LIMS1: variants seen among roughly 807,000 people sequenced by gnomAD.
The protein encoded by LIMS1 is LIM and senescent cell antigen-like-containing domain protein 1.
In LIMS1, 18 loss-of-function variants were observed where a neutral mutation model predicts 44.1. That is an observed-to-expected ratio of 0.41 (90% confidence interval 0.28 to 0.61). LIMS1 has a LOEUF of 0.61. LIMS1 is among the 20% of genes least tolerant of loss of function. LIMS1 has a pLI of 0.32. For missense variants in LIMS1, 201 were observed against 422.0 expected (o/e 0.48, Z 4.59); for synonymous variants, 93 against 149.1 (o/e 0.62, Z 2.74).
intron 1 of LIMS1, among the ~76,000 whole-genome samples, chr2:108,644,439 G>C (rs1486756275): frequency 6.6e-6 from 1 of 152,132 alleles, no homozygotes; most frequent in Non-Finnish European, 1.5e-5. Context: ...AAACAGAAAG[G>C]CATAGCATCA....
At chr2:108,614,534 A>T (rs1426276423) in intron 1 of LIMS1, among the ~76,000 whole-genome samples, 1 of 152,130 alleles carries the variant, frequency 6.6e-6, no homozygotes, top group Non-Finnish European at 1.5e-5. Context: ...GCCATCAGTC[A>T]CTCTGGCATA....
chr2:108,667,706 G>A (rs1374970125), intron 2 of LIMS1, among the ~76,000 whole-genome samples: 22 of 151,604 alleles, frequency 1.5e-4, no homozygotes, highest in Admixed American at 6.6e-5. Flanking sequence ...TATCCACAGA[G>A]GATTGGTTCC....
intron 1 of LIMS1, among the ~76,000 whole-genome samples, chr2:108,543,251 T>C (rs1684371437): frequency 6.6e-6 from 1 of 152,016 alleles, no homozygotes; most frequent in Non-Finnish European, 1.5e-5. Flanking sequence ...GGCAACATAG[T>C]GGTACCTCAT....
At chr2:108,573,678 C>T (rs1685568049) in intron 1 of LIMS1, among the ~76,000 whole-genome samples, 3 of 152,140 alleles carry the variant, frequency 2.0e-5, no homozygotes, top group Admixed American at 6.5e-5. Context: ...TCATGGTGCT[C>T]ATGTCCTTGT....
chr2:108,667,893 A>G (rs1220485537), intron 2 of LIMS1, among the ~76,000 whole-genome samples: 1 of 152,180 alleles, frequency 6.6e-6, no homozygotes, highest in Non-Finnish European at 1.5e-5. Context: ...TGTAAATGCT[A>G]TGTACATAGT....
intron 1 of LIMS1, among the ~76,000 whole-genome samples, chr2:108,579,027 C>G (rs528469565): frequency 1.3e-5 from 2 of 152,142 alleles, no homozygotes; most frequent in Non-Finnish European, 2.9e-5. Flanking sequence ...TCCTATATCA[C>G]TTTTTGGTAT....
rs1692690160 is a variant in LIMS1 at position 108,678,038 on chromosome 2, G to A, written c.823+11G>A. The stretch of plus-strand genomic sequence containing the variant: ...TTATAGAAGGTGATGGTAAGTATCT[G>A]TGTGAGTTTTAGATTGGTGCCACTT... On this transcript the variant is annotated intron_variant, in intron 8 of 9. Transcript: ENST00000544547. The A allele has an allele frequency of 6.2e-7, 1 of 1,605,740 alleles. No individual in the cohort carries two copies. The highest frequency in any genetic ancestry group is 8.5e-7 in the Non-Finnish European group (1 of 1,178,646).
chr2:108,645,911 A>G (rs1449760596), intron 1 of LIMS1, among the ~76,000 whole-genome samples: 2 of 152,202 alleles, frequency 1.3e-5, no homozygotes, highest in African/African-American at 2.4e-5. Context: ...AGGGCATTAC[A>G]TAATGGTAGA....
chr2:108,534,786 C>T (rs1242218500), intron 1 of LIMS1, among the ~76,000 whole-genome samples, 192 bp downstream of exon 1: 1 of 151,880 alleles, frequency 6.6e-6, no homozygotes, highest in Admixed American at 6.6e-5. Flanking sequence ...GAGGAGACGG[C>T]TGCTGTTCAC....
At chr2:108,605,680 T>TA (rs1190559173) in intron 1 of LIMS1, among the ~76,000 whole-genome samples, 1 of 152,188 alleles carries the variant, frequency 6.6e-6, no homozygotes, top group Non-Finnish European at 1.5e-5. Context: ...ATGCCCCACT[T>TA]AGAGAATGCC....
intron 1 of LIMS1, among the ~76,000 whole-genome samples, chr2:108,545,836 T>G (rs956559346): frequency 6.6e-6 from 1 of 152,192 alleles, no homozygotes; most frequent in African/African-American, 2.4e-5. Flanking sequence ...GACAGGCTGG[T>G]TTGGCCTCTG....
At chr2:108,683,094 G>A (rs926422139) in intron 9 of LIMS1, among the ~76,000 whole-genome samples, 6 of 152,102 alleles carry the variant, frequency 3.9e-5, no homozygotes, top group Admixed American at 2.0e-4. Context: ...AATAGCTACC[G>A]CTTACAATGC....
chr2:108,585,012 G>T (rs11895586), intron 1 of LIMS1, among the ~76,000 whole-genome samples: 3,794 of 151,990 alleles, frequency 0.025, 100 homozygotes, highest in African/African-American at 0.064. Context: ...TTAGCCGAGC[G>T]TGGTGGCACG....
At chr2:108,652,579 C>T (rs1312012642) in intron 1 of LIMS1, among the ~76,000 whole-genome samples, 1 of 152,202 alleles carries the variant, frequency 6.6e-6, no homozygotes, top group Non-Finnish European at 1.5e-5. Flanking sequence ...AAAGAGAAGT[C>T]TGTGGTGATG....
intron 1 of LIMS1, among the ~76,000 whole-genome samples, chr2:108,551,615 T>C (rs1684710927): frequency 7.0e-6 from 1 of 142,794 alleles, no homozygotes; most frequent in East Asian, 2.0e-4. Context: ...TATGTATATA[T>C]ATGTATATAT....
intron 1 of LIMS1, among the ~76,000 whole-genome samples, chr2:108,589,845 C>T (rs1686292276): frequency 6.6e-6 from 1 of 151,810 alleles, no homozygotes; most frequent in Admixed American, 6.6e-5. Flanking sequence ...TTTCCATGTC[C>T]TCCTGTTACT....
intron 1 of LIMS1, among the ~76,000 whole-genome samples, chr2:108,578,587 A>ATTTTTTTTTTTTTTTTTTTTTTTTTTT (rs575139291): frequency 9.9e-6 from 1 of 100,792 alleles, no homozygotes; most frequent in Non-Finnish European, 2.0e-5. Flanking sequence ...AATGTAAATA[A>ATTTTTTTTTTTTTTTTTTTTTTTTTTT]TTTTTTTTTT....
chr2:108,642,560 C>T (rs1263779062), intron 1 of LIMS1, among the ~76,000 whole-genome samples: 2 of 151,768 alleles, frequency 1.3e-5, no homozygotes, highest in African/African-American at 2.4e-5. Context: ...GGGGTTTCAC[C>T]GTGTTAGCCA....
In LIMS1 at chr2:108,602,190, GT is replaced by G. The variant is rs1244259639; in HGVS notation, c.33-57409del. Reference sequence around the variant, plus strand: ...TTTACTGAATTTATCAACTCTAATAGTTTTTTGGTGAAGTCCTTAGGTTTTT... The same window carrying G: ...TTTACTGAATTTATCAACTCTAATAGTTTTTGGTGAAGTCCTTAGGTTTTT... On this transcript the variant is annotated intron_variant, in intron 1 of 9. Transcript: ENST00000544547. Among the ~76,000 whole-genome samples the G allele has an allele frequency of 4.0e-4, 61 of 152,154 alleles. 1 individual carries two copies. Among genetic ancestry groups the G allele is most frequent in the Non-Finnish European group, 1.8e-4 (12 of 68,030 alleles).
Sources: gnomAD v4.1 joint callset for allele counts (sites outside exome capture counted in the v4.1 genomes callset) on GRCh38, gnomAD v4.1.1 for gene constraint, MANE v1.5 for transcripts, NCBI Gene and HGNC (gene_info 2026-07-23, HGNC 2026-07-21) for gene names.